The following RBFOX3 variants were observed in gnomAD, a reference collection of about 807,000 sequenced individuals.
The protein encoded by RBFOX3 is RNA binding protein fox-1 homolog 3.
In RBFOX3, 17 loss-of-function variants were observed where a neutral mutation model predicts 48.7. The observed-to-expected ratio is 0.35, with a 90% CI of 0.24 to 0.52. The LOEUF is 0.52. Ranked by LOEUF, RBFOX3 falls within the 20% of genes least tolerant of loss-of-function variation. The pLI is 0.94. For synonymous variants in RBFOX3, 212 were observed against 209.5 expected (o/e 1.01, Z -0.10); for missense variants, 382 against 497.5 (o/e 0.77, Z 2.21).
intron 4 of RBFOX3, among the ~76,000 whole-genome samples, chr17:79,129,820 A>G (rs1202199793): frequency 2.6e-5 from 4 of 152,260 alleles, no homozygotes; most frequent in African/African-American, 4.8e-5. Context: ...CTGGGAAGAG[A>G]TACTTACAGT....
At chr17:79,256,954 A>C (rs200607786) in intron 3 of RBFOX3, among the ~76,000 whole-genome samples, 102 of 111,402 alleles carry the variant, frequency 9.2e-4, no homozygotes, top group East Asian at 3.0e-3. Flanking sequence ...AAAACAAAAA[A>C]AAAACAAAAA....
chr17:79,625,822 AG>A, the RBFOX3 span, among the ~76,000 whole-genome samples: 9 of 152,204 alleles, frequency 5.9e-5, no homozygotes, highest in African/African-American at 2.2e-4. Flanking sequence ...AGTTGGGTAA[AG>A]GTGGGCATGT....
the RBFOX3 span, among the ~76,000 whole-genome samples, chr17:79,624,382 G>A: frequency 1.3e-5 from 2 of 152,180 alleles, no homozygotes; most frequent in African/African-American, 4.8e-5. Context: ...GGGGAAGGGA[G>A]GGAGGCAGCC....
At chr17:79,533,925 G>C (rs1276913587) in intron 1 of RBFOX3, among the ~76,000 whole-genome samples, 1 of 152,196 alleles carries the variant, frequency 6.6e-6, no homozygotes, top group East Asian at 1.9e-4. Flanking sequence ...CCTATGCATA[G>C]AATATATATT....
rs1370211327 is a variant in RBFOX3, at chr17:79,363,593, G to A, written c.-174-55769C>T. 2.6e-5 allele frequency among the ~76,000 whole-genome samples: 4 copies of A among 152,002 alleles called. No individual in the cohort carries two copies. Among genetic ancestry groups the A allele is most frequent in the East Asian group, 1.9e-4 (1 of 5,144 alleles). ...CCCAGCTTCCCTGGGGGGTCTCCGC[G>A]AGCAACATACCTCTTACCCAGGGGC... On this transcript the variant is annotated intron_variant, in intron 2 of 14. Transcript: ENST00000693108. The surrounding 1 kb of genome is among the most constrained non-coding windows in gnomAD (Gnocchi z 4.7).
chr17:79,476,780 A>G (rs1309123113), intron 2 of RBFOX3, among the ~76,000 whole-genome samples: 1 of 152,006 alleles, frequency 6.6e-6, no homozygotes, highest in Non-Finnish European at 1.5e-5. Flanking sequence ...AGTGCAGAAA[A>G]GCCTGAAGTG....
At position 79,482,496 on chromosome 17, in the gene RBFOX3, C is replaced by T. The variant is rs979590763; in HGVS notation, c.-217G>A. On this transcript the variant is annotated 5_prime_UTR_variant, in exon 2 of 15. Coordinates refer to ENST00000693108, the MANE Select transcript of RBFOX3 (RefSeq NM_001350451.2). This position sits in a 1 kb window ranked among gnomAD's most constrained non-coding sequence, Gnocchi z 4.1. Reference sequence around the variant, plus strand: ...GGTCTGCTTTGCTGAGCGGGGAGGCCCCAGTGGGGCTCCTTCTGGACCGTC... The same window carrying T: ...GGTCTGCTTTGCTGAGCGGGGAGGCTCCAGTGGGGCTCCTTCTGGACCGTC... The T allele has an allele frequency of 6.6e-6, 1 of 152,200 alleles. No individual in the cohort carries two copies. Among genetic ancestry groups the T allele is most frequent in the African/African-American group, 2.4e-5 (1 of 41,418 alleles). 9.4% of individuals were successfully genotyped at this position (152,200 alleles called of 1,614,324 possible).
chr17:79,387,940 A>C (rs752557756), intron 2 of RBFOX3, among the ~76,000 whole-genome samples: 1 of 151,952 alleles, frequency 6.6e-6, no homozygotes, highest in South Asian at 2.1e-4. Context: ...GTGCATGTGT[A>C]CATGTGTGCA....
rs1285478660 is a variant in RBFOX3, at chr17:79,133,252, G to A, written c.-33-17504C>T. Reference sequence around the variant, plus strand: ...GAGGAGGCTGCAGGGGAAACCAGAGGAGCGGGTCCCTGAGGAGGCCTGGGC... The same window carrying A: ...GAGGAGGCTGCAGGGGAAACCAGAGAAGCGGGTCCCTGAGGAGGCCTGGGC... On this transcript the variant is annotated intron_variant, in intron 4 of 14. Transcript: ENST00000693108. Among the ~76,000 whole-genome samples the A allele has an allele frequency of 2.6e-5, 4 of 152,186 alleles. No individual in the cohort carries two copies. The East Asian group carries it at 7.7e-4, about 29-fold the overall frequency.
intron 1 of RBFOX3, among the ~76,000 whole-genome samples, chr17:79,484,522 G>T (rs2079253576): frequency 2.3e-5 from 1 of 43,034 alleles, no homozygotes; most frequent in South Asian, 8.9e-4. Context: ...TGGGTGCAGG[G>T]GGCCTGGGTG....
At chr17:79,313,479 C>T (rs559669342) in intron 2 of RBFOX3, among the ~76,000 whole-genome samples, 204 of 152,290 alleles carry the variant, frequency 1.3e-3, no homozygotes, top group African/African-American at 4.7e-3. Flanking sequence ...TCACCCCAGA[C>T]CCCCCTGCAG....
intron 14 of RBFOX3, chr17:79,091,898 C>T: frequency 4.4e-6 from 4 of 916,282 alleles, no homozygotes; most frequent in Non-Finnish European, 5.2e-6. Context: ...GGCGTGACCA[C>T]AGCAGTTTGC....
At chr17:79,336,708 G>C (rs552279394) in intron 2 of RBFOX3, among the ~76,000 whole-genome samples, 48 of 152,326 alleles carry the variant, frequency 3.2e-4, no homozygotes, top group African/African-American at 1.1e-3. Flanking sequence ...GATCACAACA[G>C]GGGGGTGGCT....
At chr17:79,170,853 G>A (rs1039088589) in intron 4 of RBFOX3, among the ~76,000 whole-genome samples, 5 of 152,008 alleles carry the variant, frequency 3.3e-5, no homozygotes, top group South Asian at 2.1e-4. Flanking sequence ...TCACTCCCTC[G>A]CACCCCGGGT....
chr17:79,505,858 C>T (rs2083040875), intron 1 of RBFOX3, among the ~76,000 whole-genome samples: 2 of 152,188 alleles, frequency 1.3e-5, no homozygotes, highest in African/African-American at 4.8e-5. Flanking sequence ...AATGCATAGC[C>T]TGCATATTTC....
chr17:79,415,516 G>A (rs145938717), intron 2 of RBFOX3, among the ~76,000 whole-genome samples: 21 of 152,320 alleles, frequency 1.4e-4, no homozygotes, highest in African/African-American at 4.6e-4. Context: ...AGACGCAGAT[G>A]GAGGAGAGAG....
At chr17:79,642,568 A>C in the RBFOX3 span, among the ~76,000 whole-genome samples, 3 of 152,298 alleles carry the variant, frequency 2.0e-5, no homozygotes, top group African/African-American at 7.2e-5. Context: ...GAATTTAATG[A>C]TCTCTCTCAC....
chr17:79,459,304 T>TGTGGGAGGCGCTGGGGAG (rs1204732849), intron 2 of RBFOX3, among the ~76,000 whole-genome samples: 4 of 152,078 alleles, frequency 2.6e-5, no homozygotes, highest in African/African-American at 9.7e-5. Flanking sequence ...GTGCTGGCCA[T>TGTGGGAGGCGCTGGGGAG]GTGGGAGGCG....
At chr17:79,321,061 C>T (rs2078453183) in intron 2 of RBFOX3, among the ~76,000 whole-genome samples, 1 of 152,228 alleles carries the variant, frequency 6.6e-6, no homozygotes, top group Non-Finnish European at 1.5e-5. Context: ...GCCCCCGTGC[C>T]ACTGCCAATA....
Sources: allele counts gnomAD v4.1 joint callset (sites outside exome capture counted in the v4.1 genomes callset), GRCh38; gene constraint gnomAD v4.1.1; non-coding constraint Gnocchi (gnomAD v3.1); transcripts MANE v1.5; gene names NCBI Gene and HGNC (gene_info 2026-07-23, HGNC 2026-07-21).